TREM1: variants seen among roughly 807,000 people sequenced by gnomAD.
TREM1 encodes the protein triggering receptor expressed on monocytes 1.
TREM1 carries 16 observed loss-of-function variants against 22.4 expected under a neutral mutation model. The ratio of observed to expected loss-of-function variants is 0.71; its 90% CI spans 0.48 to 1.08. TREM1 has a LOEUF of 1.08. Among genes scored for constraint, TREM1 ranks in the 50% least tolerant of loss-of-function variants. TREM1 has a pLI of 0.00. For synonymous variants in TREM1, 110 were observed against 111.6 expected (o/e 0.99, Z 0.09); for missense variants, 283 against 282.9 (o/e 1.00, Z 0.00).
At chr6:41,280,126 A>G (rs1054196809) in intron 3 of TREM1, 1 of 933,118 alleles carries the variant, frequency 1.1e-6, no homozygotes, top group African/African-American at 1.8e-5. Flanking sequence ...CCATATTAAA[A>G]TATGTATAAA....
chr6:41,281,274 G>A, intron 2 of TREM1, 121 bp from the exon 3 acceptor site: 6 of 1,171,596 alleles, frequency 5.1e-6, no homozygotes, highest in Non-Finnish European at 7.1e-6. Context: ...ACGGGTAGGT[G>A]GTACGGTAAA....
chr6:41,280,591 T>A, intron 3 of TREM1: 1 of 1,233,614 alleles, frequency 8.1e-7, no homozygotes, highest in African/African-American at 1.5e-5. Flanking sequence ...AAAGTCACAT[T>A]CAGTTAGTCA....
At chr6:41,282,206 G>A (rs148795247) in intron 2 of TREM1, 189 bp downstream of exon 2, 109 of 555,020 alleles carry the variant, frequency 2.0e-4, no homozygotes, top group African/African-American at 1.9e-3. Flanking sequence ...CCAAAATTAG[G>A]CTGTGCTATC....
At chr6:41,268,537 G>A (rs1299239396) in intron 3 of TREM1, among the ~76,000 whole-genome samples, 1 of 152,134 alleles carries the variant, frequency 6.6e-6, no homozygotes, top group Non-Finnish European at 1.5e-5. Context: ...GTGAAATATA[G>A]GCCTTTATTT....
chr6:41,286,470 G>A (rs1486601519), intron 1 of TREM1, 137 bp downstream of exon 1: 2 of 778,758 alleles, frequency 2.6e-6, no homozygotes, highest in South Asian at 1.8e-5. Context: ...CCAATTCTGG[G>A]TAGAGCAGCA....
At chr6:41,283,967 G>A (rs1486722349) in intron 1 of TREM1, among the ~76,000 whole-genome samples, 2 of 152,136 alleles carry the variant, frequency 1.3e-5, no homozygotes, top group South Asian at 2.1e-4. Flanking sequence ...TGAGTGGGAG[G>A]AAGGAAGAGG....
Position 41,283,709 on chromosome 6 carries a change from TAA to T in TREM1, c.50-960_50-959del, listed in dbSNP as rs545773140. Among the ~76,000 whole-genome samples the T allele has an allele frequency of 3.3e-3, 486 of 148,698 alleles. 1 individual carries two copies. The highest frequency in any genetic ancestry group is 6.9e-3 in the Middle Eastern group (2 of 288). ...CCTGGGCCACAGGGCAAGACTCTGT[TAA>T]AAAAAAAAACACACACACACACACA... On this transcript the variant is annotated intron_variant, in intron 1 of 3. Transcript: ENST00000244709.
chr6:41,267,642 T>C (rs1767366311), downstream of TREM1, among the ~76,000 whole-genome samples: 1 of 152,074 alleles, frequency 6.6e-6, no homozygotes, highest in Admixed American at 6.6e-5. Context: ...GCTATAATCT[T>C]AGCACTTTGG....
rs1028100559 is a variant in TREM1 at position 41,274,759 on chromosome 6, T to C, written c.*1366A>G. ...GCATTTAGGGGAATGGGGAAGTCCT[T>C]ATGCGATGGAGCAGTCTGGAAGCTG... On this transcript the variant is annotated 3_prime_UTR_variant, in exon 4 of 4. Coordinates refer to ENST00000244709, the MANE Select transcript of TREM1 (RefSeq NM_018643.5). Among the ~76,000 whole-genome samples, 1 of 152,128 alleles carries C rather than the reference T, an allele frequency of 6.6e-6. No individual in the cohort carries two copies. Among genetic ancestry groups the C allele is most frequent in the African/African-American group, 2.4e-5 (1 of 41,426 alleles).
At chr6:41,283,448 C>T (rs1228922771) in intron 1 of TREM1, among the ~76,000 whole-genome samples, 5 of 152,104 alleles carry the variant, frequency 3.3e-5, no homozygotes, top group East Asian at 1.9e-4. Context: ...CAGTGGCTCA[C>T]GCATGTAATC....
intron 3 of TREM1, chr6:41,280,200 A>G (rs1767848308): frequency 2.1e-6 from 2 of 966,060 alleles, no homozygotes; most frequent in Non-Finnish European, 2.5e-6. Flanking sequence ...TGATGTGGAA[A>G]AGTATTTCCA....
downstream of TREM1, chr6:41,267,894 T>G: frequency 2.5e-6 from 1 of 398,508 alleles, no homozygotes; most frequent in East Asian, 3.6e-5. Flanking sequence ...AAACACAGCA[T>G]GTTTGCATTT....
chr6:41,280,299 TG>T, intron 3 of TREM1: 1 of 983,954 alleles, frequency 1.0e-6, no homozygotes, highest in Non-Finnish European at 1.2e-6. Context: ...GCTAAGTTAG[TG>T]GTTCTTAAGT....
chr6:41,277,535 GC>G (rs1767721208), intron 3 of TREM1, among the ~76,000 whole-genome samples: 2 of 152,140 alleles, frequency 1.3e-5, no homozygotes, highest in Admixed American at 6.6e-5. Flanking sequence ...AGTCTCTCCT[GC>G]CAGTGCTCTG....
intron 2 of TREM1, 184 bp from the exon 3 acceptor site, chr6:41,281,337 A>G: frequency 1.5e-6 from 1 of 684,742 alleles, no homozygotes; most frequent in Non-Finnish European, 2.4e-6. Context: ...TTCCTTTGCT[A>G]AAGCCAAAGA....
At chr6:41,286,155 T>A (rs542168250) in intron 1 of TREM1, among the ~76,000 whole-genome samples, 3 of 152,332 alleles carry the variant, frequency 2.0e-5, no homozygotes, top group East Asian at 3.9e-4. Context: ...CCTCTTCTGG[T>A]CACGTCTGTG....
chr6:41,280,654 C>G, intron 3 of TREM1: 3 of 1,392,124 alleles, frequency 2.2e-6, no homozygotes, highest in African/African-American at 1.4e-5. Context: ...CACTGCCCAT[C>G]AGGCCCCTGG....
At chr6:41,268,182 C>T (rs1224189582) in intron 3 of TREM1, 4 of 397,528 alleles carry the variant, frequency 1.0e-5, no homozygotes, top group Non-Finnish European at 1.8e-5. Flanking sequence ...GGTCCCTCTG[C>T]AACATCAGAA....
chr6:41,279,907 A>T lies in TREM1; in HGVS notation c.599+1054T>A. ...TTCGAGTTAATTATTTAAAAGAAGA[A>T]AAATATATCTGCAAGAATATGTTTA... On this transcript the variant is annotated intron_variant, in intron 3 of 3. Coordinates refer to ENST00000244709, the MANE Select transcript of TREM1 (RefSeq NM_018643.5). 3.1e-6 allele frequency: 3 copies of T among 977,060 alleles called. No individual in the cohort carries two copies. The South Asian group carries it at 1.4e-4, about 46-fold the overall frequency. The allele number at this position is 977,060 out of a possible 1,614,324, so 60.5% of individuals were successfully genotyped here.
Sources: allele counts gnomAD v4.1 joint callset (sites outside exome capture counted in the v4.1 genomes callset), GRCh38; gene constraint gnomAD v4.1.1; transcripts MANE v1.5; gene names NCBI Gene and HGNC (gene_info 2026-07-23, HGNC 2026-07-21).